Variants in POLR3B observed in about 807,000 individuals in gnomAD.
POLR3B encodes the protein DNA-directed RNA polymerase III subunit RPC2.
Under a neutral mutation model 147.4 loss-of-function variants are expected in POLR3B, and 96 were observed. The observed-to-expected ratio is 0.65, with a 90% CI of 0.55 to 0.77. The LOEUF is 0.77. POLR3B is among the 30% of genes least tolerant of loss of function. POLR3B has a pLI of 0.00. For synonymous variants in POLR3B, 461 were observed against 485.9 expected (o/e 0.95, Z 0.67); for missense variants, 1,036 against 1,413.5 (o/e 0.73, Z 4.28).
intron 7 of POLR3B, among the ~76,000 whole-genome samples, chr12:106,377,975 C>A (rs1022843089): frequency 2.0e-5 from 3 of 152,182 alleles, no homozygotes; most frequent in African/African-American, 7.2e-5. Flanking sequence ...CTAGTCCTAG[C>A]TACTCGGGAG....
intron 17 of POLR3B, 86 bp downstream of exon 17, chr12:106,437,217 A>G: frequency 1.0e-6 from 1 of 1,002,756 alleles, no homozygotes; most frequent in Non-Finnish European, 1.5e-6. Context: ...TTAGTGTTTT[A>G]ATTTCTTTCC....
intron 26 of POLR3B, among the ~76,000 whole-genome samples, chr12:106,503,518 A>G (rs2137088012): frequency 6.6e-6 from 1 of 152,240 alleles, no homozygotes; most frequent in East Asian, 1.9e-4. Context: ...AATTTTAGCT[A>G]CACCTCTGGG....
At chr12:106,468,813 G>T (rs779382952) in intron 23 of POLR3B, among the ~76,000 whole-genome samples, 1 of 152,182 alleles carries the variant, frequency 6.6e-6, no homozygotes, top group Admixed American at 6.5e-5. Context: ...GAGACAGTTT[G>T]TTGTGATTTC....
intron 19 of POLR3B, among the ~76,000 whole-genome samples, chr12:106,445,162 C>G (rs2037705556): frequency 6.6e-6 from 1 of 152,076 alleles, no homozygotes. Flanking sequence ...TTTATTCATT[C>G]ATTTGTAACA....
Position 106,366,648 on chromosome 12 carries a change from T to C in POLR3B, c.163-10T>C. ...CAGAGTCTTTGCTAATGTTGCATTTTCCACTGCAGATAAAGAAGATAATGA... is the reference window on the plus strand; with the variant it reads ...CAGAGTCTTTGCTAATGTTGCATTTCCCACTGCAGATAAAGAAGATAATGA... On this transcript the variant is annotated splice_polypyrimidine_tract_variant and intron_variant, in intron 3 of 27. Coordinates refer to ENST00000228347, the MANE Select transcript of POLR3B (RefSeq NM_018082.6). The C allele has an allele frequency of 6.2e-7, 1 of 1,612,738 alleles. No homozygotes were observed. The highest frequency in any genetic ancestry group is 8.5e-7 in the Non-Finnish European group (1 of 1,178,716).
In POLR3B at chr12:106,507,495, T is replaced by G. The variant is rs2038706761; in HGVS notation, c.3273-1925T>G. On this transcript the variant is annotated intron_variant, in intron 27 of 27. Transcript: ENST00000228347. Reference sequence around the variant, plus strand: ...GAAAGGTACCCCCGTTAAATGCATTTCCCCAATTTAATGAAAGCATGAACA... The same window carrying G: ...GAAAGGTACCCCCGTTAAATGCATTGCCCCAATTTAATGAAAGCATGAACA... The G allele has an allele frequency of 1.8e-5, 4 of 227,806 alleles. No individual in the cohort carries two copies. In the South Asian group the frequency reaches 2.2e-4, roughly 13 times the overall value. The allele number at this position is 227,806 out of a possible 1,614,324, so 14.1% of individuals were successfully genotyped here.
intron 1 of POLR3B, chr12:106,358,360 A>G: frequency 1.7e-6 from 1 of 594,482 alleles, no homozygotes; most frequent in Non-Finnish European, 2.3e-6. Context: ...GTAAAACCAG[A>G]TCGTCTGAAT....
chr12:106,462,755 G>C (rs1010891387), intron 22 of POLR3B, among the ~76,000 whole-genome samples: 1 of 152,062 alleles, frequency 6.6e-6, no homozygotes, highest in African/African-American at 2.4e-5. Context: ...AATTCAATTA[G>C]GCCTTCGCTC....
chr12:106,505,257 C>T (rs1307083258), intron 27 of POLR3B, among the ~76,000 whole-genome samples: 1 of 152,052 alleles, frequency 6.6e-6, no homozygotes, highest in Non-Finnish European at 1.5e-5. Flanking sequence ...ATCCATAGTT[C>T]CCCAAAAGCA....
chr12:106,437,222 C>A (rs1023468373), intron 17 of POLR3B, 91 bp downstream of exon 17: 4 of 960,058 alleles, frequency 4.2e-6, no homozygotes, highest in African/African-American at 1.6e-5. Context: ...GTTTTAATTT[C>A]TTTCCACCAA....
At chr12:106,486,246 G>A (rs1391612539) in intron 23 of POLR3B, among the ~76,000 whole-genome samples, 2 of 137,554 alleles carry the variant, frequency 1.5e-5, no homozygotes, top group Non-Finnish European at 3.0e-5. Context: ...CCTAGATTGG[G>A]CCACTGCACT....
chr12:106,490,210 T>G (rs1200386667), intron 23 of POLR3B, among the ~76,000 whole-genome samples: 2 of 152,228 alleles, frequency 1.3e-5, no homozygotes, highest in Non-Finnish European at 2.9e-5. Context: ...CAATTCTGTT[T>G]CCAAATAGTG....
At chr12:106,397,492 T>G (rs1002421321) in intron 10 of POLR3B, among the ~76,000 whole-genome samples, 1 of 152,212 alleles carries the variant, frequency 6.6e-6, no homozygotes, top group Admixed American at 6.5e-5. Context: ...TTACAGAACT[T>G]TATATATGGA....
At chr12:106,358,213 T>G in intron 1 of POLR3B, 1 of 1,408,352 alleles carries the variant, frequency 7.1e-7, no homozygotes, top group Non-Finnish European at 9.2e-7. Context: ...TTGGAGCTCT[T>G]CCAGCATAGG....
intron 12 of POLR3B, among the ~76,000 whole-genome samples, chr12:106,411,401 G>A (rs2037225185): frequency 6.6e-6 from 1 of 152,198 alleles, no homozygotes; most frequent in African/African-American, 2.4e-5. Flanking sequence ...GCCTCCCAAA[G>A]TGCTGGGATT....
intron 23 of POLR3B, among the ~76,000 whole-genome samples, chr12:106,478,576 G>T (rs1397420982): frequency 6.6e-6 from 1 of 151,752 alleles, no homozygotes; most frequent in Non-Finnish European, 1.5e-5. Context: ...TCCCTTGATA[G>T]TCCCTTCTCT....
At chr12:106,427,434 C>T in intron 13 of POLR3B, 76 bp downstream of exon 13, 2 of 1,276,936 alleles carry the variant, frequency 1.6e-6, no homozygotes, top group South Asian at 2.4e-5. Context: ...ACTTAAAGCA[C>T]TTTGAGAATC....
chr12:106,433,876 T>C lies in POLR3B; in HGVS notation c.1781+4T>C, dbSNP rs750021988. 1 of 1,610,306 alleles carries C rather than the reference T, an allele frequency of 6.2e-7. No homozygotes were observed. The highest frequency in any genetic ancestry group is 1.7e-5 in the Admixed American group (1 of 59,968). On this transcript the variant is annotated splice_donor_region_variant and intron_variant, in intron 16 of 27. Coordinates refer to ENST00000228347, the MANE Select transcript of POLR3B (RefSeq NM_018082.6). ...CTGATGGGGGAAGGCTATGCAGGTA[T>C]ATATGCAGGTTACTAAAAAGAGTTT...
chr12:106,485,797 C>T (rs1277482569), intron 23 of POLR3B, among the ~76,000 whole-genome samples: 1 of 152,162 alleles, frequency 6.6e-6, no homozygotes, highest in Non-Finnish European at 1.5e-5. Context: ...AAGATATAGG[C>T]TGGCAATTGG....
Sources: gnomAD v4.1 joint callset for allele counts (sites outside exome capture counted in the v4.1 genomes callset) on GRCh38, gnomAD v4.1.1 for gene constraint, MANE v1.5 for transcripts, NCBI Gene and HGNC (gene_info 2026-07-23, HGNC 2026-07-21) for gene names.